PLAAT1: variants seen among roughly 807,000 people sequenced by gnomAD.
PLAAT1 encodes H-REV107 protein-related protein.
In PLAAT1, 13 loss-of-function variants were observed where a neutral mutation model predicts 16.4. The observed-to-expected ratio is 0.79, with a 90% CI of 0.52 to 1.26. The LOEUF (loss-of-function observed/expected upper bound fraction) is 1.26. Ranked by LOEUF, PLAAT1 falls within the 50% of genes most tolerant of loss-of-function variation. The pLI is 0.00. For synonymous variants in PLAAT1, 73 were observed against 78.4 expected (o/e 0.93, Z 0.36); for missense variants, 218 against 207.8 (o/e 1.05, Z -0.30).
chr3:193,241,376 G>C lies in PLAAT1; in HGVS notation c.-158G>C. 1 of 1,231,740 alleles carries C rather than the reference G, an allele frequency of 8.1e-7. No individual in the cohort carries two copies. The highest frequency in any genetic ancestry group is 1.0e-6 in the Non-Finnish European group (1 of 987,984). The allele number at this position is 1,231,740 out of a possible 1,614,324, so 76.3% of individuals were successfully genotyped here. On this transcript the variant is annotated 5_prime_UTR_variant, in exon 1 of 4. Coordinates refer to ENST00000264735, the MANE Select transcript of PLAAT1 (RefSeq NM_020386.5). ...CGTTGGCCCTGGAGGACGGCCCCGAGTGATGGCTGGCGCCTGCCTCCCGGG... is the reference window on the plus strand; with the variant it reads ...CGTTGGCCCTGGAGGACGGCCCCGACTGATGGCTGGCGCCTGCCTCCCGGG...
At chr3:193,273,616 C>CT (rs2108807656), downstream of PLAAT1, among the ~76,000 whole-genome samples, 1 of 152,274 alleles carries the variant, frequency 6.6e-6, no homozygotes, top group Admixed American at 6.5e-5. Flanking sequence ...AACTAATTGC[C>CT]TATGGTCTGT....
At chr3:193,259,213 G>C (rs1186170754) in intron 2 of PLAAT1, among the ~76,000 whole-genome samples, 1 of 152,030 alleles carries the variant, frequency 6.6e-6, no homozygotes, top group Admixed American at 6.6e-5. Context: ...AAACCCTGAA[G>C]AGAATAGGCA....
chr3:193,243,502 C>T (rs899399684), intron 1 of PLAAT1, among the ~76,000 whole-genome samples: 4 of 152,228 alleles, frequency 2.6e-5, no homozygotes, highest in African/African-American at 9.6e-5. Flanking sequence ...TATTTAAAAA[C>T]TTCCTGTGGT....
At chr3:193,267,689 A>G (rs1191844502) in intron 3 of PLAAT1, among the ~76,000 whole-genome samples, 1 of 152,188 alleles carries the variant, frequency 6.6e-6, no homozygotes, top group Non-Finnish European at 1.5e-5. Context: ...GCAGGTTTTT[A>G]TGTGGACATA....
rs151296838 is a variant in PLAAT1, at chr3:193,270,610, C to T, written c.412C>T (p.Arg138Ter). The T allele has an allele frequency of 2.2e-5, 36 of 1,611,338 alleles. No individual in the cohort carries two copies. Among genetic ancestry groups the T allele is most frequent in the East Asian group, 2.2e-4 (10 of 44,844 alleles). Residue 138 changes from arginine to a stop codon, truncating the protein, a stop_gained, in exon 4 of 4, where the codon CGA becomes TGA. Coordinates refer to ENST00000264735, the MANE Select transcript of PLAAT1 (RefSeq NM_020386.5). LOFTEE classifies it high-confidence loss of function. Reference protein sequence around the residue: ...YGEGVSEQANRAISTVEFVTA... With the variant: ...YGEGVSEQAN Reference sequence around the variant, plus strand: ...ACTTCTTGTTTCCTTATAGGCCAACCGAGCGATAAGTACCGTTGAGTTTGT... The same window carrying T: ...ACTTCTTGTTTCCTTATAGGCCAACTGAGCGATAAGTACCGTTGAGTTTGT...
chr3:193,276,813 T>C, intron 2 of PLAAT1: 1 of 1,613,598 alleles, frequency 6.2e-7, no homozygotes, highest in Non-Finnish European at 8.5e-7. Flanking sequence ...CCCTCCACGA[T>C]GTTATGGTTG....
chr3:193,267,281 T>A (rs1447578890), intron 3 of PLAAT1, among the ~76,000 whole-genome samples: 1 of 152,158 alleles, frequency 6.6e-6, no homozygotes, highest in African/African-American at 2.4e-5. Flanking sequence ...TTGGACAAAT[T>A]TAAAATGACA....
rs752232672 is a variant in PLAAT1 at position 193,263,089 on chromosome 3, G to A, written c.259G>A (p.Asp87Asn). 1.6e-5 allele frequency: 26 copies of A among 1,613,992 alleles called. No homozygotes were observed. The highest frequency in any genetic ancestry group is 2.0e-5 in the Non-Finnish European group (24 of 1,180,014). The change falls in exon 3 of 4, where the codon GAT (aspartate) becomes AAT (asparagine). Residue 87 changes from aspartate (D) to asparagine (N), a missense_variant. Physicochemically the swap from Asp to Asn is conservative, Grantham distance 23 (BLOSUM62 1). Transcript: ENST00000264735. The stretch of plus-strand genomic sequence containing the variant: ...CACATACAGAATAAACAATAAATAC[G>A]ATGAAACGTACCCCCCTCTCCCTGT... ...NDTYRINNKY[D>N]ETYPPLPVEE...
intron 1 of PLAAT1, among the ~76,000 whole-genome samples, chr3:193,248,771 A>G (rs1463203439): frequency 2.0e-5 from 3 of 152,148 alleles, no homozygotes; most frequent in African/African-American, 7.2e-5. Context: ...AGCAAAGTAT[A>G]GTTGCTATAT....
intron 3 of PLAAT1, among the ~76,000 whole-genome samples, chr3:193,269,628 A>G (rs1241029396): frequency 6.6e-6 from 1 of 152,230 alleles, no homozygotes; most frequent in African/African-American, 2.4e-5. Flanking sequence ...CTGGTTCCCC[A>G]GAGTCATTTG....
At chr3:193,252,836 A>G (rs1226132130) in intron 1 of PLAAT1, among the ~76,000 whole-genome samples, 1 of 152,096 alleles carries the variant, frequency 6.6e-6, no homozygotes, top group Non-Finnish European at 1.5e-5. Context: ...TTGACCAGTT[A>G]AACTACCTGC....
At chr3:193,246,974 G>A (rs1308242799) in intron 1 of PLAAT1, among the ~76,000 whole-genome samples, 1 of 152,126 alleles carries the variant, frequency 6.6e-6, no homozygotes, top group Non-Finnish European at 1.5e-5. Context: ...CACCTGTGAA[G>A]CCATCAGGTC....
At chr3:193,247,152 A>G (rs1716010891) in intron 1 of PLAAT1, among the ~76,000 whole-genome samples, 2 of 152,204 alleles carry the variant, frequency 1.3e-5, no homozygotes. Flanking sequence ...AGCTGTTCAT[A>G]GTAGTCTTCT....
chr3:193,255,863 A>G (rs974504752), intron 2 of PLAAT1, 74 bp downstream of exon 2: 7 of 1,267,226 alleles, frequency 5.5e-6, no homozygotes, highest in Non-Finnish European at 6.3e-6. Flanking sequence ...CATGGGTGAA[A>G]TAATAAACAA....
At chr3:193,265,856 TTAG>T (rs1716760512) in intron 3 of PLAAT1, among the ~76,000 whole-genome samples, 1 of 152,154 alleles carries the variant, frequency 6.6e-6, no homozygotes, top group South Asian at 2.1e-4. Context: ...GCGTTGAAAA[TTAG>T]TGGTGTAGAT....
At chr3:193,260,445 CTG>C (rs1716543078) in intron 2 of PLAAT1, among the ~76,000 whole-genome samples, 2 of 152,238 alleles carry the variant, frequency 1.3e-5, no homozygotes, top group South Asian at 2.1e-4. Context: ...TATTCATAAA[CTG>C]TGCATCTGAC....
At position 193,262,584 on chromosome 3, in the gene PLAAT1, A is replaced by G. The variant is rs116643337; in HGVS notation, c.140-386A>G. Among the ~76,000 whole-genome samples, 1,295 of 152,248 alleles carry G rather than the reference A, an allele frequency of 8.5e-3. 21 individuals carry two copies. Among genetic ancestry groups the G allele is most frequent in the African/African-American group, 0.03 (1,244 of 41,558 alleles). ...ATTTGGAAGGGTTCAGATGCTCAGC[A>G]AAAAACTGCCTTATAGAAAAAGTGG... On this transcript the variant is annotated intron_variant, in intron 2 of 3. Transcript: ENST00000264735.
chr3:193,272,229 G>A (rs879645897), downstream of PLAAT1, among the ~76,000 whole-genome samples: 12 of 152,116 alleles, frequency 7.9e-5, no homozygotes, highest in Non-Finnish European at 1.3e-4. Flanking sequence ...GGATCATGAG[G>A]TCAGGAGATC....
At chr3:193,249,989 C>G (rs1716132765) in intron 1 of PLAAT1, among the ~76,000 whole-genome samples, 1 of 152,036 alleles carries the variant, frequency 6.6e-6, no homozygotes, top group Admixed American at 6.6e-5. Context: ...GAGTCACTTT[C>G]TGGAGATTTA....
Sources: gnomAD v4.1 joint callset for allele counts (sites outside exome capture counted in the v4.1 genomes callset) on GRCh38, gnomAD v4.1.1 for gene constraint, MANE v1.5 for transcripts, NCBI Gene and HGNC (gene_info 2026-07-23, HGNC 2026-07-21) for gene names.